The following TBC1D8 variants were observed in gnomAD, a reference collection of about 807,000 sequenced individuals.
The protein encoded by TBC1D8 is BUB2-like protein 1.
TBC1D8 carries 65 observed loss-of-function variants against 118.8 expected under a neutral mutation model. The ratio of observed to expected loss-of-function variants is 0.55; its 90% CI spans 0.45 to 0.67. The LOEUF is 0.67. Among genes scored for constraint, TBC1D8 ranks in the 30% least tolerant of loss-of-function variants. The probability of loss-of-function intolerance (pLI) is 0.00; values close to 1 mark genes in which losing one functional copy is unlikely to be tolerated. For missense variants in TBC1D8, 1,376 were observed against 1,471.2 expected, an observed-to-expected ratio of 0.94 and a Z score of 1.06; for synonymous variants, 566 against 595.8, an observed-to-expected ratio of 0.95 and a Z score of 0.73.
intron 2 of TBC1D8, among the ~76,000 whole-genome samples, chr2:101,084,274 T>C (rs4851402): frequency 0.13 from 19,896 of 152,044 alleles, 1,641 homozygotes; most frequent in East Asian, 0.27. Context: ...TCCCACCGGG[T>C]GCAGTGGCTC....
chr2:101,026,670 C>T (rs2105382463), intron 15 of TBC1D8, among the ~76,000 whole-genome samples: 1 of 152,312 alleles, frequency 6.6e-6, no homozygotes, highest in East Asian at 1.9e-4. Flanking sequence ...ACTGCGCTTC[C>T]TCCCCGTCTC....
chr2:101,073,895 A>G (rs1038476684), intron 2 of TBC1D8, among the ~76,000 whole-genome samples: 3 of 152,226 alleles, frequency 2.0e-5, no homozygotes, highest in Non-Finnish European at 4.4e-5. Context: ...TTGGTCTTCT[A>G]TACAGACCAC....
intron 1 of TBC1D8, among the ~76,000 whole-genome samples, chr2:101,130,338 C>A (rs1387991981): frequency 6.6e-6 from 1 of 152,202 alleles, no homozygotes; most frequent in Non-Finnish European, 1.5e-5. Context: ...GTGCCCGCGC[C>A]CTGAGGCCCA....
In TBC1D8 at chr2:101,007,442, A is replaced by C. The variant is rs183441553; in HGVS notation, c.*379T>G. Among the ~76,000 whole-genome samples the C allele has an allele frequency of 2.0e-5, 3 of 152,032 alleles. No individual in the cohort carries two copies. Among genetic ancestry groups the C allele is most frequent in the Non-Finnish European group, 2.9e-5 (2 of 68,008 alleles). ...ATCTTGAAAGTGAACTTGATTCCTGACCTCTCCCATTGTCACTCCAAGTGA... is the reference window on the plus strand; with the variant it reads ...ATCTTGAAAGTGAACTTGATTCCTGCCCTCTCCCATTGTCACTCCAAGTGA... On this transcript the variant is annotated 3_prime_UTR_variant, in exon 20 of 20. Transcript: ENST00000409318.
intron 1 of TBC1D8, among the ~76,000 whole-genome samples, chr2:101,116,290 T>C (rs1677814721): frequency 6.6e-6 from 1 of 152,174 alleles, no homozygotes; most frequent in Non-Finnish European, 1.5e-5. Context: ...CAAAAGAACC[T>C]ATGTTTGGTC....
chr2:101,118,567 G>C (rs1477977546), intron 1 of TBC1D8, among the ~76,000 whole-genome samples: 1 of 151,900 alleles, frequency 6.6e-6, no homozygotes, highest in Non-Finnish European at 1.5e-5. Context: ...CTTGGTGGCA[G>C]GCACCTGTAG....
chr2:101,077,096 T>C (rs1573989803), intron 2 of TBC1D8, among the ~76,000 whole-genome samples: 1 of 152,334 alleles, frequency 6.6e-6, no homozygotes, highest in Middle Eastern at 3.4e-3. Flanking sequence ...TGATCTTGGC[T>C]CACTGCAACC....
In TBC1D8 at chr2:101,054,086, G is replaced by A. The variant is rs377668504; in HGVS notation, c.631+22C>T. The A allele has an allele frequency of 1.3e-5, 20 of 1,591,262 alleles. No individual in the cohort carries two copies. In the African/African-American group the frequency reaches 2.5e-4, roughly 20 times the overall value. On this transcript the variant is annotated intron_variant, in intron 4 of 19. Transcript: ENST00000409318. Reference sequence around the variant, plus strand: ...CCCTGGGGCCAACTTTATCTTGGAAGAGCCTGCCAGGCCTCACTTACGTTC... The same window carrying A: ...CCCTGGGGCCAACTTTATCTTGGAAAAGCCTGCCAGGCCTCACTTACGTTC...
intron 1 of TBC1D8, among the ~76,000 whole-genome samples, chr2:101,094,744 C>T (rs1315545846): frequency 2.0e-5 from 3 of 152,156 alleles, no homozygotes; most frequent in Non-Finnish European, 2.9e-5. Flanking sequence ...CATCAGAAAG[C>T]CACAGGGGTG....
intron 2 of TBC1D8, among the ~76,000 whole-genome samples, chr2:101,085,924 G>C (rs986510871): frequency 6.6e-5 from 10 of 152,114 alleles, no homozygotes; most frequent in Non-Finnish European, 1.2e-4. Context: ...GGTGGATCAC[G>C]AGGTCAGGAG....
At chr2:101,080,492 G>A (rs577353186) in intron 2 of TBC1D8, among the ~76,000 whole-genome samples, 21 of 152,248 alleles carry the variant, frequency 1.4e-4, no homozygotes, top group African/African-American at 4.3e-4. Context: ...AAACAGTGAT[G>A]CAGACTGCAA....
At chr2:101,096,588 T>C (rs968051056) in intron 1 of TBC1D8, among the ~76,000 whole-genome samples, 2 of 151,952 alleles carry the variant, frequency 1.3e-5, no homozygotes, top group Admixed American at 6.6e-5. Flanking sequence ...GTAAACAATA[T>C]GCAAGAACAG....
chr2:101,016,332 A>G (rs1219018197), intron 17 of TBC1D8, among the ~76,000 whole-genome samples: 1 of 151,550 alleles, frequency 6.6e-6, no homozygotes, highest in African/African-American at 2.4e-5. Flanking sequence ...AATGCTCATC[A>G]TCACTGGCCA....
At chr2:101,079,168 A>T (rs76969563) in intron 2 of TBC1D8, among the ~76,000 whole-genome samples, 5,201 of 152,200 alleles carry the variant, frequency 0.034, 285 homozygotes, top group African/African-American at 0.11. Context: ...TTTGCCAGTC[A>T]TCTCCTTTTG....
intron 18 of TBC1D8, 170 bp downstream of exon 18, chr2:101,011,281 C>T (rs1338932462): frequency 5.4e-6 from 4 of 740,668 alleles, no homozygotes; most frequent in African/African-American, 5.3e-5. Context: ...CACCCAGCAA[C>T]ACCCCCACTA....
Position 101,008,230 on chromosome 2 carries a change from T to G in TBC1D8, c.3059A>C (p.His1020Pro). The G allele has an allele frequency of 1.3e-6, 2 of 1,596,046 alleles. No homozygotes were observed. The highest frequency in any genetic ancestry group is 3.4e-4 in the Middle Eastern group (2 of 5,936). ...CAAATCATTTTCTTCTGGATCTTCA[T>G]GGAACATACTGTACAGAGTTTTACA... The part of the protein sequence containing the change: ...QFCKTLYSMF[H>P]EDPEENDLYQ... The change falls in exon 20 of 20, where the codon CAT becomes CCT. Residue 1020 changes from histidine (H) to proline (P), a missense_variant. By Grantham distance (77) the His-to-Pro change is moderately conservative (BLOSUM62 -2). Transcript: ENST00000409318.
chr2:101,127,408 C>T (rs1678401763), intron 1 of TBC1D8, among the ~76,000 whole-genome samples: 1 of 151,808 alleles, frequency 6.6e-6, no homozygotes, highest in African/African-American at 2.4e-5. Context: ...ATGACAAAAA[C>T]TCCAGTCTGG....
At chr2:101,098,265 G>A (rs1164037621) in intron 1 of TBC1D8, among the ~76,000 whole-genome samples, 1 of 151,972 alleles carries the variant, frequency 6.6e-6, no homozygotes, top group Non-Finnish European at 1.5e-5. Flanking sequence ...GGTGGCAGGG[G>A]CTACTCAGGA....
rs1408308339 is a variant in TBC1D8 at position 101,036,008 on chromosome 2, G to A, written c.1603+10C>T. Reference sequence around the variant, plus strand: ...AGAACAATTAGCTTCGAGACACCAAGAGCGCTTACCTGAGAAGAGAAGCCA... The same window carrying A: ...AGAACAATTAGCTTCGAGACACCAAAAGCGCTTACCTGAGAAGAGAAGCCA... On this transcript the variant is annotated intron_variant, in intron 9 of 19. Coordinates refer to ENST00000409318, the MANE Select transcript of TBC1D8 (RefSeq NM_001330348.2). 1 of 1,613,600 alleles carries A rather than the reference G, an allele frequency of 6.2e-7. No homozygotes were observed. Among genetic ancestry groups the A allele is most frequent in the Non-Finnish European group, 8.5e-7 (1 of 1,179,644 alleles).
Sources: gnomAD v4.1 joint callset for allele counts (sites outside exome capture counted in the v4.1 genomes callset) on GRCh38, gnomAD v4.1.1 for gene constraint, MANE v1.5 for transcripts, NCBI Gene and HGNC (gene_info 2026-07-23, HGNC 2026-07-21) for gene names.